FOXJ3: variants seen among roughly 807,000 people sequenced by gnomAD.
The protein encoded by FOXJ3 is forkhead box protein J3.
Under a neutral mutation model 76.1 loss-of-function variants are expected in FOXJ3, and 22 were observed. That is an observed-to-expected ratio of 0.29 (90% CI 0.21 to 0.41). FOXJ3 has a LOEUF of 0.41. Among genes scored for constraint, FOXJ3 ranks in the 10% least tolerant of loss-of-function variants. The probability of loss-of-function intolerance (pLI) is 1.00; values close to 1 mark genes in which losing one functional copy is unlikely to be tolerated. For synonymous variants in FOXJ3, 269 were observed against 261.2 expected (o/e 1.03, Z -0.29); for missense variants, 613 against 762.1 (o/e 0.80, Z 2.30).
At position 42,311,803 on chromosome 1, in the gene FOXJ3, T is replaced by C. The variant is rs568053169; in HGVS notation, c.-17-693A>G. Among the ~76,000 whole-genome samples, 50 of 152,312 alleles carry C rather than the reference T, an allele frequency of 3.3e-4. 1 individual carries two copies. In the South Asian group the frequency reaches 4.6e-3, roughly 14 times the overall value. ...ACTTCAATGAACCTCAGTTTCTTCA[T>C]CTGTAACGTGGGGCTAATACCACCC... On this transcript the variant is annotated intron_variant, in intron 1 of 12. Coordinates refer to ENST00000361346, the MANE Select transcript of FOXJ3 (RefSeq NM_014947.5).
At chr1:42,276,086 T>C (rs945393701) in intron 3 of FOXJ3, among the ~76,000 whole-genome samples, 1 of 152,202 alleles carries the variant, frequency 6.6e-6, no homozygotes, top group Non-Finnish European at 1.5e-5. Context: ...CCAGGCACAG[T>C]GGCTCACACC....
At chr1:42,231,372 C>A (rs1332122056) in intron 4 of FOXJ3, among the ~76,000 whole-genome samples, 1 of 151,956 alleles carries the variant, frequency 6.6e-6, no homozygotes, top group Non-Finnish European at 1.5e-5. Context: ...TACTCTGACA[C>A]ATAAGCCAGT....
intron 4 of FOXJ3, among the ~76,000 whole-genome samples, chr1:42,240,813 A>G (rs1301283914): frequency 1.3e-5 from 2 of 152,254 alleles, no homozygotes; most frequent in Non-Finnish European, 2.9e-5. Flanking sequence ...TTTCTTAGCT[A>G]TGACATCAAA....
chr1:42,324,589 C>G (rs2124784681), intron 1 of FOXJ3, among the ~76,000 whole-genome samples: 1 of 152,050 alleles, frequency 6.6e-6, no homozygotes, highest in Admixed American at 6.6e-5. Flanking sequence ...GAGTGTACTT[C>G]CACAAACCTA....
At chr1:42,279,002 A>G (rs1480968765) in intron 2 of FOXJ3, among the ~76,000 whole-genome samples, 1 of 152,230 alleles carries the variant, frequency 6.6e-6, no homozygotes, top group Non-Finnish European at 1.5e-5. Flanking sequence ...CTTGGTAAGA[A>G]AAACCCAGCT....
chr1:42,319,617 T>G (rs980377472), intron 1 of FOXJ3, among the ~76,000 whole-genome samples: 2 of 152,172 alleles, frequency 1.3e-5, no homozygotes, highest in African/African-American at 4.8e-5. Context: ...GTGAATATAC[T>G]AAAAAACACT....
At chr1:42,317,944 T>A (rs1381457265) in intron 1 of FOXJ3, among the ~76,000 whole-genome samples, 1 of 152,188 alleles carries the variant, frequency 6.6e-6, no homozygotes, top group Non-Finnish European at 1.5e-5. Flanking sequence ...TTCTCCCCCA[T>A]CAGAATGTGA....
intron 3 of FOXJ3, among the ~76,000 whole-genome samples, chr1:42,273,799 A>G (rs1412076803): frequency 1.3e-5 from 2 of 152,142 alleles, no homozygotes; most frequent in Admixed American, 1.3e-4. Context: ...GAGATTCATG[A>G]AAATCAGAAT....
intron 5 of FOXJ3, among the ~76,000 whole-genome samples, chr1:42,212,579 A>ATT (rs1386586212): frequency 6.6e-6 from 1 of 152,148 alleles, no homozygotes; most frequent in African/African-American, 2.4e-5. Context: ...AATATATGGG[A>ATT]TTATGTAAAA....
intron 1 of FOXJ3, among the ~76,000 whole-genome samples, chr1:42,327,774 C>G (rs1655923747): frequency 6.6e-6 from 1 of 152,114 alleles, no homozygotes; most frequent in Non-Finnish European, 1.5e-5. Context: ...ATCAGAAGAT[C>G]AATCTTATTT....
At chr1:42,293,062 C>CT (rs1653547614) in intron 2 of FOXJ3, among the ~76,000 whole-genome samples, 1 of 152,142 alleles carries the variant, frequency 6.6e-6, no homozygotes, top group South Asian at 2.1e-4. Context: ...GATCACACCA[C>CT]TGTACTCCAG....
At position 42,306,039 on chromosome 1, in the gene FOXJ3, T is replaced by A. The variant is rs72676413; in HGVS notation, c.44+5011A>T. Reference sequence around the variant, plus strand: ...AAAGGAAGTTACAAAAAATAGTCTATTGTTACAATATGTAAAAGAAGTATG... The same window carrying A: ...AAAGGAAGTTACAAAAAATAGTCTAATGTTACAATATGTAAAAGAAGTATG... On this transcript the variant is annotated intron_variant, in intron 2 of 12. Coordinates refer to ENST00000361346, the MANE Select transcript of FOXJ3 (RefSeq NM_014947.5). Among the ~76,000 whole-genome samples the A allele has an allele frequency of 4.9e-3, 741 of 152,314 alleles. 5 individuals carry two copies. Among genetic ancestry groups the A allele is most frequent in the Non-Finnish European group, 6.1e-3 (416 of 68,032 alleles).
intron 5 of FOXJ3, among the ~76,000 whole-genome samples, chr1:42,226,431 G>A (rs1455362389): frequency 1.3e-5 from 2 of 152,128 alleles, no homozygotes; most frequent in Non-Finnish European, 2.9e-5. Flanking sequence ...GGCCAACATG[G>A]CAAAACCCTG....
intron 11 of FOXJ3, among the ~76,000 whole-genome samples, chr1:42,185,246 T>A (rs1436196997): frequency 1.3e-5 from 2 of 148,360 alleles, no homozygotes; most frequent in Non-Finnish European, 3.0e-5. Flanking sequence ...GCCCTCAACA[T>A]ACTGAATTTT....
intron 1 of FOXJ3, chr1:42,323,629 A>G (rs1289958712): frequency 1.7e-5 from 14 of 836,856 alleles, no homozygotes; most frequent in Non-Finnish European, 1.9e-5. Flanking sequence ...CAGTAAACCC[A>G]TAGCTCTTAG....
chr1:42,334,713 G>A (rs981301489), intron 1 of FOXJ3, among the ~76,000 whole-genome samples: 18 of 152,162 alleles, frequency 1.2e-4, no homozygotes, highest in African/African-American at 3.9e-4. Flanking sequence ...GAGGGAAGGA[G>A]ACGGTCGCTG....
intron 2 of FOXJ3, among the ~76,000 whole-genome samples, chr1:42,286,848 G>A (rs938617869): frequency 1.3e-5 from 2 of 151,604 alleles, no homozygotes; most frequent in Non-Finnish European, 2.9e-5. Flanking sequence ...TGACCAGGCT[G>A]GTGTCGAACT....
At chr1:42,220,126 T>C (rs545490550) in intron 5 of FOXJ3, among the ~76,000 whole-genome samples, 1 of 152,274 alleles carries the variant, frequency 6.6e-6, no homozygotes, top group African/African-American at 2.4e-5. Flanking sequence ...TCACTACCCA[T>C]ATGCAATAGT....
chr1:42,229,319 T>G (rs558092642), intron 4 of FOXJ3, among the ~76,000 whole-genome samples: 1 of 152,210 alleles, frequency 6.6e-6, no homozygotes, highest in Non-Finnish European at 1.5e-5. Context: ...AAATTCCTTA[T>G]GGATAGGGAC....
Sources: gnomAD v4.1 joint callset for allele counts (sites outside exome capture counted in the v4.1 genomes callset) on GRCh38, gnomAD v4.1.1 for gene constraint, MANE v1.5 for transcripts, NCBI Gene and HGNC (gene_info 2026-07-23, HGNC 2026-07-21) for gene names.